FAT2: variants seen among roughly 807,000 people sequenced by gnomAD.
FAT2 encodes the protein FAT atypical cadherin 2.
A neutral mutation model predicts 295.3 loss-of-function variants in FAT2; 150 were observed. The observed-to-expected ratio is 0.51, with a 90% CI of 0.44 to 0.58. The LOEUF (loss-of-function observed/expected upper bound fraction) is 0.58. FAT2 is among the 20% of genes least tolerant of loss of function. The pLI is 0.00. For missense variants in FAT2, 4,868 were observed against 5,442.7 expected (o/e 0.89, Z 3.32); for synonymous variants, 2,026 against 2,150.3 (o/e 0.94, Z 1.60).
chr5:151,544,450 G>T lies in FAT2; in HGVS notation c.6677C>A (p.Thr2226Lys), dbSNP rs140369077. ...FTTDFKTGVLTVTGPLDYESK... is the reference protein window; with the variant it reads ...FTTDFKTGVLKVTGPLDYESK... ...CTCATAGTCCAAAGGCCCTGTTACT[G>T]TTAGGACACCAGTCTTGAAGTCAGT... The change falls in exon 10 of 24, where the codon ACA becomes AAA. Residue 2226 changes from threonine to lysine, a missense_variant. Physicochemically the swap from Thr to Lys is moderately conservative, Grantham distance 78. Coordinates refer to ENST00000261800, the MANE Select transcript of FAT2 (RefSeq NM_001447.3). 1.2e-6 allele frequency: 2 copies of T among 1,614,170 alleles called. No homozygotes were observed. Among genetic ancestry groups the T allele is most frequent in the Middle Eastern group, 1.7e-4 (1 of 6,060 alleles).
chr5:151,566,867 G>T lies in FAT2; in HGVS notation c.2065C>A (p.Leu689Ile). The T allele has an allele frequency of 1.2e-6, 2 of 1,614,178 alleles. No homozygotes were observed. Among genetic ancestry groups the T allele is most frequent in the Non-Finnish European group, 1.7e-6 (2 of 1,180,028 alleles). ...FTKTILHFIG[L>I]QNQESSDEEF... is the part of the protein sequence containing the mutation. Reference sequence around the variant, plus strand: ...TCATCACTGGACTCCTGGTTCTGAAGCCCAATAAAGTGGAGGATAGTCTTT... The same window carrying T: ...TCATCACTGGACTCCTGGTTCTGAATCCCAATAAAGTGGAGGATAGTCTTT... The change falls in exon 2 of 24, where the codon CTT becomes ATT. Residue 689 changes from leucine (L) to isoleucine (I), a missense_variant. Transcript: ENST00000261800.
chr5:151,505,433 G>T lies in FAT2; in HGVS notation c.*132C>A. The T allele has an allele frequency of 9.1e-7, 1 of 1,104,588 alleles. No homozygotes were observed. The highest frequency in any genetic ancestry group is 1.3e-6 in the Non-Finnish European group (1 of 767,632). The allele number at this position is 1,104,588 out of a possible 1,614,324, so 68.4% of individuals were successfully genotyped here. ...GGGGGATTGGAAGAGCACATTTCAA[G>T]GGACAACAGCCTGGGCTGAGGGCTT... On this transcript the variant is annotated 3_prime_UTR_variant, in exon 24 of 24. Coordinates refer to ENST00000261800, the MANE Select transcript of FAT2 (RefSeq NM_001447.3).
At position 151,553,276 on chromosome 5, in the gene FAT2, A is replaced by G; in HGVS notation, c.4057T>C (p.Tyr1353His). 3 of 1,614,246 alleles carry G rather than the reference A, an allele frequency of 1.9e-6. No individual in the cohort carries two copies. The highest frequency in any genetic ancestry group is 2.5e-6 in the Non-Finnish European group (3 of 1,180,032). Residue 1353 changes from tyrosine (Y) to histidine (H), a missense_variant, in exon 6 of 24, where the codon TAC becomes CAC. By Grantham distance (83) the Tyr-to-His change is moderately conservative (BLOSUM62 2). Transcript: ENST00000261800. ...GTCTCCATGACCGTAAAGCTGTAGT[A>G]GGTCTCATCAAAGGCCAGAGGGATG... ...SSIPLAFDETYYSFTVMETDP... is the reference protein window; with the variant it reads ...SSIPLAFDETHYSFTVMETDP...
At chr5:151,592,416 T>G (rs1180222232), upstream of FAT2, among the ~76,000 whole-genome samples, 1 of 152,032 alleles carries the variant, frequency 6.6e-6, no homozygotes, top group African/African-American at 2.4e-5. Context: ...CTGCAACCAT[T>G]CTGTCCAATC....
At chr5:151,541,433 T>C (rs2127603888) in intron 10 of FAT2, among the ~76,000 whole-genome samples, 1 of 152,372 alleles carries the variant, frequency 6.6e-6, no homozygotes, top group Middle Eastern at 3.4e-3. Context: ...TCTGTTTTTC[T>C]ACAACTCTGT....
chr5:151,587,291 A>AT (rs34625414), intron 1 of FAT2, among the ~76,000 whole-genome samples: 4 of 152,042 alleles, frequency 2.6e-5, no homozygotes, highest in African/African-American at 7.2e-5. Context: ...TATATGTGAC[A>AT]TTTTTTTGAA....
rs545920663 is a variant in FAT2 at position 151,505,304 on chromosome 5, C to T, written c.*261G>A. ...TCGCCCACCCCGGGAGTCAATTGTT[C>T]CTGGTTTTCCAGGGTCACTGCTCTA... On this transcript the variant is annotated 3_prime_UTR_variant, in exon 24 of 24. Coordinates refer to ENST00000261800, the MANE Select transcript of FAT2 (RefSeq NM_001447.3). 173 of 537,152 alleles carry T rather than the reference C, an allele frequency of 3.2e-4. No homozygotes were observed. The highest frequency in any genetic ancestry group is 3.2e-3 in the African/African-American group (166 of 51,762). The allele number at this position is 537,152 out of a possible 1,614,324, so 33.3% of individuals were successfully genotyped here.
At chr5:151,519,657 G>A (rs543539541) in intron 19 of FAT2, among the ~76,000 whole-genome samples, 6 of 152,292 alleles carry the variant, frequency 3.9e-5, no homozygotes, top group South Asian at 4.1e-4. Flanking sequence ...TGATCTGGGC[G>A]TTGGCTACAC....
intron 2 of FAT2, 145 bp from the exon 3 acceptor site, chr5:151,563,784 C>G (rs1291277917): frequency 4.6e-6 from 3 of 651,372 alleles, no homozygotes; most frequent in Non-Finnish European, 8.0e-6. Context: ...CTGCTTCTAC[C>G]AGTATAATGT....
chr5:151,577,754 C>T (rs1758798677), intron 1 of FAT2, among the ~76,000 whole-genome samples: 1 of 152,120 alleles, frequency 6.6e-6, no homozygotes, highest in African/African-American at 2.4e-5. Context: ...TTTGCAGATC[C>T]TGATACGCAA....
rs759706967 is a variant in FAT2 at position 151,566,386 on chromosome 5, G to A, written c.2546C>T (p.Ser849Leu). 3.7e-6 allele frequency: 6 copies of A among 1,613,904 alleles called. No homozygotes were observed. The highest frequency in any genetic ancestry group is 5.1e-6 in the Non-Finnish European group (6 of 1,179,946). The change falls in exon 2 of 24, where the codon TCG becomes TTG. Residue 849 changes from serine (S) to leucine (L), a missense_variant. By Grantham distance (145) the Ser-to-Leu change is moderately radical (BLOSUM62 -2). Transcript: ENST00000261800. ...GTAGCGAACCCTGCCATTGTCTTCCGAGTCAGCATCTTTGGTTGTCAGCTC... is the reference window on the plus strand; with the variant it reads ...GTAGCGAACCCTGCCATTGTCTTCCAAGTCAGCATCTTTGGTTGTCAGCTC... ...IAELTTKDAD[S>L]EDNGRVRYTL... is the part of the protein sequence containing the mutation.
rs372198243 is a variant in FAT2, at chr5:151,542,746, C to A, written c.8381G>T (p.Arg2794Met). The A allele has an allele frequency of 1.9e-6, 3 of 1,614,092 alleles. No individual in the cohort carries two copies. The African/African-American group carries it at 4.0e-5, about 22-fold the overall frequency. The change falls in exon 10 of 24, where the codon AGG (arginine) becomes ATG (methionine). Residue 2794 changes from arginine to methionine, a missense_variant. By Grantham distance (91) the Arg-to-Met change is moderately conservative (BLOSUM62 -1). Around this residue, in one of 5 missense-constraint regions of FAT2, gnomAD observed 3,297 missense variants for 3,669.4 expected, o/e 0.90. Transcript: ENST00000261800. ...NIQVGDVNDN[R>M]PVFEADPYKA... ...ATATGGATCAGCCTCAAATACAGGC[C>A]TATTGTCATTGACGTCTCCCACTTG...
intron 8 of FAT2, 40 bp from the exon 9 acceptor site, chr5:151,549,545 G>A (rs1756986723): frequency 1.3e-5 from 21 of 1,579,718 alleles, no homozygotes; most frequent in Non-Finnish European, 1.8e-5. Flanking sequence ...GCAGCAAATG[G>A]AATAGGAGGA....
chr5:151,572,889 A>G (rs1158956648), intron 1 of FAT2, among the ~76,000 whole-genome samples: 2 of 152,218 alleles, frequency 1.3e-5, no homozygotes, highest in African/African-American at 2.4e-5. Flanking sequence ...GCGAGCAGGC[A>G]CTTGTCTGGG....
chr5:151,512,250 G>A lies in FAT2; in HGVS notation c.11820C>T (p.Ala3940=), dbSNP rs779141052. The part of the protein sequence containing the change: ...KTVAGLLETQ[A]LTQCCLHSDY... ...CACTGTGGAGGCAGCACTGGGTGAG[G>A]GCTTGTGTCTCCAGCAAGCCTGCCA... is the stretch of plus-strand genomic sequence containing the variant. The change falls in exon 21 of 24, where the codon GCC becomes GCT. Residue 3940 remains alanine (A), a synonymous_variant. Transcript: ENST00000261800. The surrounding 1 kb of genome is among the most constrained non-coding windows in gnomAD (Gnocchi z 4.1). 1 of 1,614,206 alleles carries A rather than the reference G, an allele frequency of 6.2e-7. No homozygotes were observed. The highest frequency in any genetic ancestry group is 1.7e-5 in the Admixed American group (1 of 60,034).
chr5:151,542,053 T>C (rs544835933), intron 10 of FAT2, among the ~76,000 whole-genome samples: 7 of 152,180 alleles, frequency 4.6e-5, no homozygotes, highest in African/African-American at 1.4e-4. Flanking sequence ...CACTTTCTAA[T>C]GTATAGGTGC....
chr5:151,512,054 G>A lies in FAT2; in HGVS notation c.11905+111C>T. On this transcript the variant is annotated intron_variant, in intron 21 of 23. Transcript: ENST00000261800. The surrounding 1 kb of genome is among the most constrained non-coding windows in gnomAD (Gnocchi z 4.1). ...CTGTTACTCACAAGTTAGGGGAAGAGAGAGAAATTTGGAACCAGGAGGCTC... is the reference window on the plus strand; with the variant it reads ...CTGTTACTCACAAGTTAGGGGAAGAAAGAGAAATTTGGAACCAGGAGGCTC... 1.0e-6 allele frequency: 1 copy of A among 979,422 alleles called. No individual in the cohort carries two copies. The highest frequency in any genetic ancestry group is 1.5e-6 in the Non-Finnish European group (1 of 663,168). 60.7% of individuals were successfully genotyped at this position (979,422 alleles called of 1,614,324 possible).
chr5:151,584,530 A>G (rs1177174801), intron 1 of FAT2, among the ~76,000 whole-genome samples: 2 of 152,176 alleles, frequency 1.3e-5, no homozygotes, highest in African/African-American at 4.8e-5. Flanking sequence ...AGACTCAAAC[A>G]CAAAACTTCA....
At chr5:151,568,993 A>C (rs1758417314) in intron 1 of FAT2, 42 bp from the exon 2 acceptor site, 2 of 1,517,066 alleles carry the variant, frequency 1.3e-6, no homozygotes, top group East Asian at 4.5e-5. Flanking sequence ...TAGGGGGAAA[A>C]AATGGTTTCT....
Sources: gnomAD v4.1 joint callset for allele counts (sites outside exome capture counted in the v4.1 genomes callset) on GRCh38, gnomAD v4.1.1 for gene constraint, gnomAD v4.1.1 regional missense constraint, Gnocchi (gnomAD v3.1) non-coding constraint, MANE v1.5 for transcripts, NCBI Gene and HGNC (gene_info 2026-07-23, HGNC 2026-07-21) for gene names.